Variants in NBEA observed in about 807,000 individuals in gnomAD.
The protein encoded by NBEA is neurobeachin, also known as lysosomal-trafficking regulator 2.
In NBEA, 44 loss-of-function variants were observed where a neutral mutation model predicts 343.4. The ratio of observed to expected loss-of-function variants is 0.13; its 90% CI spans 0.10 to 0.16. NBEA has a LOEUF of 0.16. Among genes scored for constraint, NBEA ranks in the 10% least tolerant of loss-of-function variants. The pLI, the probability that NBEA is intolerant of heterozygous loss-of-function variation, is 1.00. For missense variants in NBEA, 2,555 were observed against 3,631.3 expected (o/e 0.70, Z 7.62); for synonymous variants, 1,175 against 1,238.7 (o/e 0.95, Z 1.08).
chr13:35,246,324 A>G (rs1425460909), intron 34 of NBEA, among the ~76,000 whole-genome samples: 1 of 152,114 alleles, frequency 6.6e-6, no homozygotes, highest in African/African-American at 2.4e-5. Context: ...TTTTGGTAGT[A>G]AGCTACTGTG....
At chr13:34,999,205 A>T (rs1163402711) in intron 1 of NBEA, among the ~76,000 whole-genome samples, 1 of 149,898 alleles carries the variant, frequency 6.7e-6, no homozygotes, top group Non-Finnish European at 1.5e-5. Flanking sequence ...ATATATTTTT[A>T]AAAATTTTTG....
At chr13:35,339,551 C>A (rs1218065804) in intron 36 of NBEA, among the ~76,000 whole-genome samples, 2 of 151,978 alleles carry the variant, frequency 1.3e-5, no homozygotes, top group African/African-American at 2.4e-5. Context: ...TCTTGCATTG[C>A]TATAAAGAAA....
intron 1 of NBEA, among the ~76,000 whole-genome samples, chr13:35,029,968 T>C (rs1328271348): frequency 6.6e-6 from 1 of 151,584 alleles, no homozygotes; most frequent in East Asian, 1.9e-4. Context: ...TTAGAATTTT[T>C]TGAAGGCCTG....
intron 49 of NBEA, among the ~76,000 whole-genome samples, chr13:35,632,889 C>T (rs1426342978): frequency 1.3e-5 from 2 of 151,900 alleles, no homozygotes; most frequent in Middle Eastern, 3.4e-3. Flanking sequence ...CCACTGTGCA[C>T]GGCCCCCCTG....
chr13:35,056,505 A>G (rs934530897), intron 7 of NBEA, among the ~76,000 whole-genome samples: 6 of 152,128 alleles, frequency 3.9e-5, no homozygotes, highest in Admixed American at 1.3e-4. Flanking sequence ...GATAAATGCT[A>G]TGGAGAAAAT....
At chr13:35,618,858 T>C (rs1433944418) in intron 48 of NBEA, among the ~76,000 whole-genome samples, 6 of 152,044 alleles carry the variant, frequency 3.9e-5, no homozygotes, top group Non-Finnish European at 7.4e-5. Context: ...TTCACGGATG[T>C]GCATTGATAA....
At chr13:35,587,841 A>G (rs1043768540) in intron 46 of NBEA, among the ~76,000 whole-genome samples, 1 of 152,178 alleles carries the variant, frequency 6.6e-6, no homozygotes, top group Non-Finnish European at 1.5e-5. Context: ...AGGGTATGCC[A>G]GAATATTCTG....
At chr13:35,576,480 A>G (rs1398963910) in intron 45 of NBEA, among the ~76,000 whole-genome samples, 1 of 152,288 alleles carries the variant, frequency 6.6e-6, no homozygotes, top group East Asian at 1.9e-4. Context: ...TAAAGTTACT[A>G]TAGTTAATTT....
At chr13:35,088,840 A>C (rs2064913328) in intron 10 of NBEA, among the ~76,000 whole-genome samples, 1 of 146,536 alleles carries the variant, frequency 6.8e-6, no homozygotes, top group Non-Finnish European at 1.5e-5. Flanking sequence ...TGGTGCTGGG[A>C]AAACTGGCTA....
rs2079333546 is a variant in NBEA at position 35,551,658 on chromosome 13, C to T, written c.6806+626C>T. Among the ~76,000 whole-genome samples, 3 of 152,132 alleles carry T rather than the reference C, an allele frequency of 2.0e-5. No homozygotes were observed. In the South Asian group the frequency reaches 6.2e-4, roughly 32 times the overall value. On this transcript the variant is annotated intron_variant, in intron 43 of 58. Transcript: ENST00000379939. The stretch of plus-strand genomic sequence containing the variant: ...AATACCTTACTAAAAGTGGCTTAAA[C>T]TATAGGGGTGTGTGTGTTTAATATA...
At chr13:35,279,168 T>A (rs2034868559) in intron 34 of NBEA, among the ~76,000 whole-genome samples, 1 of 152,194 alleles carries the variant, frequency 6.6e-6, no homozygotes, top group South Asian at 2.1e-4. Flanking sequence ...TGCCATAGCA[T>A]AACATAGATG....
chr13:35,083,879 A>T (rs1003719839), intron 10 of NBEA, among the ~76,000 whole-genome samples: 2 of 152,152 alleles, frequency 1.3e-5, no homozygotes, highest in African/African-American at 4.8e-5. Context: ...GGGATGGAGG[A>T]AGATCTACCA....
chr13:35,037,362 G>T (rs1434203928), intron 1 of NBEA, among the ~76,000 whole-genome samples: 1 of 152,038 alleles, frequency 6.6e-6, no homozygotes, highest in African/African-American at 2.4e-5. Flanking sequence ...TCTGTGAAAG[G>T]TCACACACAT....
chr13:35,529,538 T>G (rs2078154430), intron 41 of NBEA, among the ~76,000 whole-genome samples: 1 of 152,220 alleles, frequency 6.6e-6, no homozygotes, highest in African/African-American at 2.4e-5. Context: ...GTTTTATATG[T>G]GGGCATATAG....
intron 36 of NBEA, among the ~76,000 whole-genome samples, chr13:35,319,623 G>A (rs2152839447): frequency 6.6e-6 from 1 of 152,292 alleles, no homozygotes; most frequent in South Asian, 2.1e-4. Context: ...TTGGTCCAGA[G>A]CTGAATTTAA....
chr13:35,572,435 T>A (rs760277314), intron 45 of NBEA, among the ~76,000 whole-genome samples: 11 of 152,218 alleles, frequency 7.2e-5, no homozygotes, highest in Non-Finnish European at 1.5e-4. Flanking sequence ...ACACACCCAT[T>A]CATCGAGTGG....
At chr13:35,656,240 T>A (rs983546595) in intron 55 of NBEA, among the ~76,000 whole-genome samples, 2 of 152,208 alleles carry the variant, frequency 1.3e-5, no homozygotes, top group South Asian at 4.1e-4. Context: ...TTGTGGGAGA[T>A]GCAAAAACTG....
At chr13:35,602,758 G>A (rs1014711210) in intron 47 of NBEA, among the ~76,000 whole-genome samples, 2 of 152,068 alleles carry the variant, frequency 1.3e-5, no homozygotes, top group East Asian at 1.9e-4. Context: ...CTGGTAACAC[G>A]ACTTCTTTCT....
chr13:35,135,497 AATGG>A, intron 17 of NBEA, among the ~76,000 whole-genome samples: 5 of 152,194 alleles, frequency 3.3e-5, no homozygotes, highest in Non-Finnish European at 5.9e-5. Flanking sequence ...TGTGTACATT[AATGG>A]GAAGACTCAA....
Sources: allele counts gnomAD v4.1 joint callset (sites outside exome capture counted in the v4.1 genomes callset), GRCh38; gene constraint gnomAD v4.1.1; transcripts MANE v1.5; gene names NCBI Gene and HGNC (gene_info 2026-07-23, HGNC 2026-07-21).